The following IGSF11 variants were observed in gnomAD, a reference collection of about 807,000 sequenced individuals.
The protein encoded by IGSF11 is CXADR like 1.
IGSF11 carries 22 observed loss-of-function variants against 41.0 expected under a neutral mutation model. That is an observed-to-expected ratio of 0.54 (90% CI 0.38 to 0.77). IGSF11 has a LOEUF of 0.77. Among genes scored for constraint, IGSF11 ranks in the 30% least tolerant of loss-of-function variants. The pLI, the probability that IGSF11 is intolerant of heterozygous loss-of-function variation, is 0.00. For synonymous variants in IGSF11, 219 were observed against 201.3 expected (o/e 1.09, Z -0.74); for missense variants, 444 against 530.8 (o/e 0.84, Z 1.61).
intron 6 of IGSF11, among the ~76,000 whole-genome samples, chr3:118,903,768 T>A (rs961108990): frequency 6.6e-6 from 1 of 152,170 alleles, no homozygotes; most frequent in Admixed American, 6.5e-5. Context: ...CTATAGTCAA[T>A]GAGGGTAGTA....
At chr3:118,965,666 A>C (rs533540559) in intron 1 of IGSF11, among the ~76,000 whole-genome samples, 16 of 152,166 alleles carry the variant, frequency 1.1e-4, no homozygotes, top group African/African-American at 2.4e-5. Flanking sequence ...TTTCCTAAAT[A>C]ATTTTTTAGG....
chr3:119,127,863 T>TCATTACCAG (rs1387229183), intron 1 of IGSF11, among the ~76,000 whole-genome samples: 1 of 152,232 alleles, frequency 6.6e-6, no homozygotes, highest in East Asian at 1.9e-4. Flanking sequence ...CTAAGGGATT[T>TCATTACCAG]CATTACCAGC....
intron 1 of IGSF11, among the ~76,000 whole-genome samples, chr3:118,976,135 AGCTGTAT>A (rs1269833256): frequency 6.6e-6 from 1 of 152,214 alleles, no homozygotes; most frequent in East Asian, 1.9e-4. Context: ...AGGCAGTTTA[AGCTGTAT>A]GCATTTCATG....
At chr3:119,120,870 C>T (rs940796420) in intron 1 of IGSF11, among the ~76,000 whole-genome samples, 4 of 152,194 alleles carry the variant, frequency 2.6e-5, no homozygotes, top group African/African-American at 9.7e-5. Context: ...CTTCAGGCTG[C>T]TTTCTGTTAG....
intron 1 of IGSF11, among the ~76,000 whole-genome samples, chr3:119,083,126 C>CTTTTTTTTTTTTTTTTT (rs79620142): frequency 1.5e-5 from 2 of 129,120 alleles, no homozygotes; most frequent in Non-Finnish European, 3.2e-5. Flanking sequence ...TTTCTTTTTT[C>CTTTTTTTTTTTTTTTTT]TTTTTTTTTT....
At chr3:118,904,842 A>T in intron 5 of IGSF11, 44 bp from the exon 6 acceptor site, 1 of 1,522,344 alleles carries the variant, frequency 6.6e-7, no homozygotes, top group Non-Finnish European at 8.9e-7. Flanking sequence ...AGAGAAAGAG[A>T]GAAATAGCAT....
chr3:119,117,151 C>T (rs76977913), intron 1 of IGSF11, among the ~76,000 whole-genome samples: 4,916 of 151,990 alleles, frequency 0.032, 157 homozygotes, highest in South Asian at 0.18. Context: ...AGGAAGAACC[C>T]CTCAGATGAT....
At chr3:119,105,277 A>T (rs2107510342), upstream of IGSF11, 1 of 893,348 alleles carries the variant, frequency 1.1e-6, no homozygotes, top group Non-Finnish European at 1.7e-6. Flanking sequence ...ATTTTTTAAA[A>T]TTTTTAAATA....
intron 1 of IGSF11, among the ~76,000 whole-genome samples, chr3:119,090,320 A>G (rs1317929625): frequency 6.6e-6 from 1 of 152,256 alleles, no homozygotes; most frequent in Non-Finnish European, 1.5e-5. Flanking sequence ...AAAGCAATTT[A>G]CAGATTTGAA....
rs1199261211 is a variant in IGSF11 at position 118,903,862 on chromosome 3, T to C, written c.854+786A>G. 2.0e-5 allele frequency among the ~76,000 whole-genome samples: 3 copies of C among 152,132 alleles called. 1 individual carries two copies. The East Asian group carries it at 5.8e-4, about 29-fold the overall frequency. On this transcript the variant is annotated intron_variant, in intron 6 of 6. Transcript: ENST00000393775. ...TGTGAGGAGGTGATGCCTGGCCTAA[T>C]CTAGAATCAGATCAAGGAATTTAGT...
At chr3:119,036,105 AT>A (rs1399010105), upstream of IGSF11, among the ~76,000 whole-genome samples, 11 of 152,358 alleles carry the variant, frequency 7.2e-5, no homozygotes, top group East Asian at 1.5e-3. Context: ...GGTTAAAAAA[AT>A]GAAACATGTT....
intron 1 of IGSF11, among the ~76,000 whole-genome samples, chr3:118,931,969 G>A (rs890397019): frequency 6.6e-6 from 1 of 152,072 alleles, no homozygotes; most frequent in African/African-American, 2.4e-5. Flanking sequence ...TCCTGACCTC[G>A]TGATCTGGCC....
intron 1 of IGSF11, among the ~76,000 whole-genome samples, chr3:118,983,964 G>A (rs114257938): frequency 0.025 from 3,757 of 152,120 alleles, 133 homozygotes; most frequent in African/African-American, 0.086. Flanking sequence ...GTCAGTGGGT[G>A]GGGTAAGTCA....
upstream of IGSF11, among the ~76,000 whole-genome samples, chr3:119,106,737 C>A (rs868350693): frequency 2.6e-4 from 40 of 152,168 alleles, no homozygotes; most frequent in African/African-American, 9.4e-4. Flanking sequence ...TCCCTCCCCC[C>A]TCCTCCCACC....
chr3:118,999,533 C>G (rs1349606001), intron 1 of IGSF11, among the ~76,000 whole-genome samples: 1 of 152,136 alleles, frequency 6.6e-6, no homozygotes, highest in Non-Finnish European at 1.5e-5. Flanking sequence ...TTCCTTCACT[C>G]TTCAGGACTA....
chr3:118,985,845 T>C (rs1218436030), intron 1 of IGSF11, among the ~76,000 whole-genome samples: 1 of 152,162 alleles, frequency 6.6e-6, no homozygotes, highest in Non-Finnish European at 1.5e-5. Flanking sequence ...CTCCCTTGTC[T>C]TCCTGAGCAC....
At chr3:119,028,477 G>A (rs1208726136) in intron 1 of IGSF11, among the ~76,000 whole-genome samples, 12 of 152,066 alleles carry the variant, frequency 7.9e-5, no homozygotes, top group Admixed American at 5.9e-4. Flanking sequence ...CTAACATACA[G>A]GTCCCTCAGG....
rs576981226 is a variant in IGSF11, at chr3:119,077,029, C to T, written c.49+28115G>A. Among the ~76,000 whole-genome samples, 3 of 152,194 alleles carry T rather than the reference C, an allele frequency of 2.0e-5. No individual in the cohort carries two copies. The East Asian group carries it at 5.8e-4, about 29-fold the overall frequency. On this transcript the variant is annotated intron_variant, in intron 1 of 6. Coordinates refer to the IGSF11 transcript ENST00000354673. Reference sequence around the variant, plus strand: ...GACTTGGAACCAACCCAAATGTCCACAATGATAGACTGGATTAAGAAAATG... The same window carrying T: ...GACTTGGAACCAACCCAAATGTCCATAATGATAGACTGGATTAAGAAAATG...
At chr3:119,025,228 A>G (rs533224681) in intron 1 of IGSF11, among the ~76,000 whole-genome samples, 2 of 152,298 alleles carry the variant, frequency 1.3e-5, no homozygotes, top group East Asian at 1.9e-4. Flanking sequence ...CTTACTACGA[A>G]TATTTTCAAT....
Sources: allele counts gnomAD v4.1 joint callset (sites outside exome capture counted in the v4.1 genomes callset), GRCh38; gene constraint gnomAD v4.1.1; transcripts MANE v1.5; gene names NCBI Gene and HGNC (gene_info 2026-07-23, HGNC 2026-07-21).